Variants in NXPH2 observed in about 807,000 individuals in gnomAD.
NXPH2 encodes neurexophilin 2.
A neutral mutation model predicts 19.8 loss-of-function variants in NXPH2; 5 were observed. That is an observed-to-expected ratio of 0.25 (90% CI 0.13 to 0.53). The LOEUF (loss-of-function observed/expected upper bound fraction) is 0.53. Ranked by LOEUF, NXPH2 falls within the 20% of genes least tolerant of loss-of-function variation. The probability of loss-of-function intolerance (pLI) is 0.96; values close to 1 mark genes in which losing one functional copy is unlikely to be tolerated. For missense variants in NXPH2, 289 were observed against 322.8 expected, an observed-to-expected ratio of 0.90 and a Z score of 0.80; for synonymous variants, 154 against 127.4, an observed-to-expected ratio of 1.21 and a Z score of -1.41.
intron 1 of NXPH2, among the ~76,000 whole-genome samples, chr2:138,779,959 G>A (rs764887025): frequency 1.3e-5 from 2 of 152,032 alleles, no homozygotes; most frequent in Non-Finnish European, 2.9e-5. Context: ...TTACCCCAGC[G>A]CTCAAGTCCC....
chr2:138,686,926 C>T (rs1239348613), intron 1 of NXPH2, among the ~76,000 whole-genome samples: 1 of 152,072 alleles, frequency 6.6e-6, no homozygotes, highest in African/African-American at 2.4e-5. Context: ...TGTATATGTG[C>T]CACATTTTCT....
intron 1 of NXPH2, among the ~76,000 whole-genome samples, chr2:138,686,997 G>T (rs528663766): frequency 2.8e-4 from 42 of 152,238 alleles, no homozygotes; most frequent in African/African-American, 9.4e-4. Context: ...ATTGTGAATA[G>T]TGCCGCAATA....
chr2:138,734,615 C>G (rs918009732), intron 1 of NXPH2, among the ~76,000 whole-genome samples: 1 of 152,052 alleles, frequency 6.6e-6, no homozygotes, highest in Non-Finnish European at 1.5e-5. Context: ...GATGGGAATG[C>G]CAGCTATAAA....
chr2:138,761,009 C>T (rs959823361), intron 1 of NXPH2, among the ~76,000 whole-genome samples: 1 of 152,158 alleles, frequency 6.6e-6, no homozygotes, highest in African/African-American at 2.4e-5. Flanking sequence ...AGGGTCTGCA[C>T]GTATACTCCT....
At chr2:138,722,469 G>C (rs1023808269) in intron 1 of NXPH2, among the ~76,000 whole-genome samples, 1 of 152,192 alleles carries the variant, frequency 6.6e-6, no homozygotes, top group South Asian at 2.1e-4. Context: ...ATGGGCAAGC[G>C]TCCAGGCCAG....
At chr2:138,728,491 A>G (rs1681392951) in intron 1 of NXPH2, among the ~76,000 whole-genome samples, 1 of 152,230 alleles carries the variant, frequency 6.6e-6, no homozygotes, top group Non-Finnish European at 1.5e-5. Flanking sequence ...AAGAAGAATG[A>G]CATTTAAATG....
At chr2:138,709,451 C>T (rs1203139962) in intron 1 of NXPH2, among the ~76,000 whole-genome samples, 2 of 151,932 alleles carry the variant, frequency 1.3e-5, no homozygotes. Context: ...TGCCCCCCTC[C>T]CTACCCACAG....
At chr2:138,715,689 G>T (rs1216202146) in intron 1 of NXPH2, among the ~76,000 whole-genome samples, 1 of 152,178 alleles carries the variant, frequency 6.6e-6, no homozygotes, top group African/African-American at 2.4e-5. Flanking sequence ...TCCTTATTCT[G>T]GCGGTAGAGG....
At chr2:138,695,888 A>G (rs1434381651) in intron 1 of NXPH2, among the ~76,000 whole-genome samples, 1 of 152,170 alleles carries the variant, frequency 6.6e-6, no homozygotes, top group East Asian at 1.9e-4. Context: ...AGTGGCTCAC[A>G]CTTATAATCC....
intron 1 of NXPH2, among the ~76,000 whole-genome samples, chr2:138,755,895 T>C (rs1681900081): frequency 6.6e-6 from 1 of 152,018 alleles, no homozygotes. Flanking sequence ...ACATATTTTA[T>C]AAGATTTATA....
chr2:138,770,521 TAA>T (rs1682160837), intron 1 of NXPH2, among the ~76,000 whole-genome samples: 1 of 152,014 alleles, frequency 6.6e-6, no homozygotes, highest in Non-Finnish European at 1.5e-5. Context: ...TAATGTTCAA[TAA>T]AAAGAGTCAA....
intron 1 of NXPH2, among the ~76,000 whole-genome samples, chr2:138,776,361 G>A (rs907146227): frequency 3.3e-5 from 5 of 151,746 alleles, no homozygotes; most frequent in African/African-American, 7.3e-5. Flanking sequence ...TTTTCCATTC[G>A]GAAACTAAAC....
At chr2:138,710,976 TG>T (rs1681096351) in intron 1 of NXPH2, among the ~76,000 whole-genome samples, 1 of 152,136 alleles carries the variant, frequency 6.6e-6, no homozygotes, top group Admixed American at 6.6e-5. Flanking sequence ...GTCATCTTGC[TG>T]CCATCTTCCT....
chr2:138,669,973 T>A lies in NXPH2; in HGVS notation c.*949A>T, dbSNP rs1190125762. On this transcript the variant is annotated 3_prime_UTR_variant, in exon 2 of 2. Coordinates refer to ENST00000272641, the MANE Select transcript of NXPH2 (RefSeq NM_007226.3). Reference sequence around the variant, plus strand: ...GAGGCTAGAAATAATGAATCCATAATCCTGAAATTTCCTCCCTCTACTTCC... The same window carrying A: ...GAGGCTAGAAATAATGAATCCATAAACCTGAAATTTCCTCCCTCTACTTCC... Among the ~76,000 whole-genome samples, 2 of 152,178 alleles carry A rather than the reference T, an allele frequency of 1.3e-5. No homozygotes were observed. The highest frequency in any genetic ancestry group is 4.8e-5 in the African/African-American group (2 of 41,444).
Position 138,669,906 on chromosome 2 carries a change from C to T in NXPH2, c.*1016G>A, listed in dbSNP as rs1488492686. Reference sequence around the variant, plus strand: ...TCTATTTCCACATAGAGTTTGATCTCTTATTCAAATATTAACTAAATGCAA... The same window carrying T: ...TCTATTTCCACATAGAGTTTGATCTTTTATTCAAATATTAACTAAATGCAA... On this transcript the variant is annotated 3_prime_UTR_variant, in exon 2 of 2. Coordinates refer to ENST00000272641, the MANE Select transcript of NXPH2 (RefSeq NM_007226.3). Among the ~76,000 whole-genome samples the T allele has an allele frequency of 6.6e-6, 1 of 152,184 alleles. No homozygotes were observed. The highest frequency in any genetic ancestry group is 6.5e-5 in the Admixed American group (1 of 15,282).
At chr2:138,678,758 G>T (rs72860158) in intron 1 of NXPH2, among the ~76,000 whole-genome samples, 6,263 of 152,198 alleles carry the variant, frequency 0.041, 195 homozygotes, top group Non-Finnish European at 0.06. Flanking sequence ...ATCTTATACA[G>T]AATTAGAATT....
intron 1 of NXPH2, among the ~76,000 whole-genome samples, chr2:138,765,845 C>T (rs940903307): frequency 3.9e-5 from 6 of 152,164 alleles, no homozygotes; most frequent in African/African-American, 1.2e-4. Flanking sequence ...ATGTAGTTCA[C>T]GTTTTTATTA....
At chr2:138,702,737 A>G (rs755623918) in intron 1 of NXPH2, among the ~76,000 whole-genome samples, 3 of 152,204 alleles carry the variant, frequency 2.0e-5, no homozygotes, top group Non-Finnish European at 4.4e-5. Context: ...CTCCGTCTAC[A>G]TTGGATGTGA....
At chr2:138,736,073 C>T (rs750369260) in intron 1 of NXPH2, among the ~76,000 whole-genome samples, 1 of 152,196 alleles carries the variant, frequency 6.6e-6, no homozygotes, top group African/African-American at 2.4e-5. Flanking sequence ...CACGGTCTGG[C>T]ATTGAGTGTC....
Sources: allele counts gnomAD v4.1 joint callset (sites outside exome capture counted in the v4.1 genomes callset), GRCh38; gene constraint gnomAD v4.1.1; transcripts MANE v1.5; gene names NCBI Gene and HGNC (gene_info 2026-07-23, HGNC 2026-07-21).